MTUS2: variants seen among roughly 807,000 people sequenced by gnomAD.
The protein encoded by MTUS2 is microtubule associated scaffold protein 2, also known as microtubule-associated tumor suppressor candidate 2.
A neutral mutation model predicts 114.1 loss-of-function variants in MTUS2; 40 were observed. That is an observed-to-expected ratio of 0.35 (90% CI 0.27 to 0.46). MTUS2 has a LOEUF of 0.46. Ranked by LOEUF, MTUS2 falls within the 20% of genes least tolerant of loss-of-function variation. The pLI is 1.00. For synonymous variants in MTUS2, 688 were observed against 672.0 expected (o/e 1.02, Z -0.37); for missense variants, 1,679 against 1,705.4 (o/e 0.98, Z 0.27).
At chr13:29,093,660 T>A (rs1386451666) in intron 4 of MTUS2, among the ~76,000 whole-genome samples, 1 of 152,206 alleles carries the variant, frequency 6.6e-6, no homozygotes, top group Non-Finnish European at 1.5e-5. Flanking sequence ...TTTTAGTGGA[T>A]TTCTTGGGAT....
intron 1 of MTUS2, among the ~76,000 whole-genome samples, chr13:28,836,981 C>G (rs544686212): frequency 6.6e-6 from 1 of 152,294 alleles, no homozygotes; most frequent in Non-Finnish European, 1.5e-5. Context: ...CCTTAGTCTC[C>G]TATTCTGCAA....
At chr13:28,859,284 G>A (rs1356823196) in intron 2 of MTUS2, among the ~76,000 whole-genome samples, 4 of 152,176 alleles carry the variant, frequency 2.6e-5, no homozygotes, top group African/African-American at 9.7e-5. Flanking sequence ...GCTGCTTGTG[G>A]CATTGTCCCT....
chr13:29,186,302 T>G (rs1408151984), intron 5 of MTUS2, among the ~76,000 whole-genome samples: 1 of 152,184 alleles, frequency 6.6e-6, no homozygotes, highest in African/African-American at 2.4e-5. Context: ...GTAAATTAAT[T>G]AAACAGTCCA....
In MTUS2 at chr13:29,503,269, A is replaced by C. The variant is rs1207785612; in HGVS notation, c.*63A>C. On this transcript the variant is annotated 3_prime_UTR_variant, in exon 16 of 16. Coordinates refer to ENST00000612955, the MANE Select transcript of MTUS2 (RefSeq NM_001033602.4). ...CCTCCGGTCTCCACCCTGAGGGAGCACCGACCCGGTGCCGCCGGAGCTGGC... is the reference window on the plus strand; with the variant it reads ...CCTCCGGTCTCCACCCTGAGGGAGCCCCGACCCGGTGCCGCCGGAGCTGGC... 3 of 1,579,360 alleles carry C rather than the reference A, an allele frequency of 1.9e-6. No homozygotes were observed. Among genetic ancestry groups the C allele is most frequent in the Non-Finnish European group, 1.7e-6 (2 of 1,157,856 alleles).
intron 2 of MTUS2, among the ~76,000 whole-genome samples, chr13:28,916,861 G>A (rs1195165136): frequency 6.6e-6 from 1 of 151,638 alleles, no homozygotes. Context: ...TTAGAGAAAG[G>A]CTTTCAGTTT....
At chr13:28,964,236 G>A (rs1651569147) in intron 2 of MTUS2, among the ~76,000 whole-genome samples, 1 of 152,160 alleles carries the variant, frequency 6.6e-6, no homozygotes, top group African/African-American at 2.4e-5. Flanking sequence ...CAATACTGCT[G>A]ACTCTGCTGC....
At chr13:29,135,684 C>T (rs1367687441) in intron 5 of MTUS2, among the ~76,000 whole-genome samples, 2 of 151,832 alleles carry the variant, frequency 1.3e-5, no homozygotes, top group South Asian at 2.1e-4. Flanking sequence ...CTTCTCATTT[C>T]CTTTTGTGTA....
At chr13:29,229,243 A>G (rs931605894) in intron 5 of MTUS2, among the ~76,000 whole-genome samples, 2 of 152,092 alleles carry the variant, frequency 1.3e-5, no homozygotes, top group Non-Finnish European at 2.9e-5. Flanking sequence ...ACTGACTTTA[A>G]CTTTGTTTTG....
intron 5 of MTUS2, among the ~76,000 whole-genome samples, chr13:29,268,857 G>C (rs930614671): frequency 1.3e-5 from 2 of 152,080 alleles, no homozygotes; most frequent in Non-Finnish European, 2.9e-5. Context: ...AGCCTCCTGA[G>C]TAGCTGGGGC....
Position 29,439,966 on chromosome 13 carries a change from C to T in MTUS2, c.3118-17C>T, listed in dbSNP as rs754434513. 35 of 1,568,292 alleles carry T rather than the reference C, an allele frequency of 2.2e-5. No homozygotes were observed. In the Middle Eastern group the frequency reaches 5.0e-4, roughly 22 times the overall value. On this transcript the variant is annotated splice_polypyrimidine_tract_variant and intron_variant, in intron 8 of 15. Coordinates refer to ENST00000612955, the MANE Select transcript of MTUS2 (RefSeq NM_001033602.4). Reference sequence around the variant, plus strand: ...ATAAAACTAGGGGACTCTCGGTATCCGTTTTTGTTTTTTCAGAATGAAAGT... The same window carrying T: ...ATAAAACTAGGGGACTCTCGGTATCTGTTTTTGTTTTTTCAGAATGAAAGT...
intron 5 of MTUS2, among the ~76,000 whole-genome samples, chr13:29,120,354 T>C (rs1891257459): frequency 6.6e-6 from 1 of 152,090 alleles, no homozygotes; most frequent in South Asian, 2.1e-4. Flanking sequence ...TTCATTCTTG[T>C]TGTAATAGTA....
chr13:29,455,317 A>G (rs1879025915), intron 9 of MTUS2, among the ~76,000 whole-genome samples: 3 of 152,170 alleles, frequency 2.0e-5, no homozygotes, highest in African/African-American at 4.8e-5. Context: ...AGGTCTGAGC[A>G]CTGAGTGGAG....
At chr13:29,159,791 T>A (rs1448998050) in intron 5 of MTUS2, among the ~76,000 whole-genome samples, 1 of 152,218 alleles carries the variant, frequency 6.6e-6, no homozygotes, top group Non-Finnish European at 1.5e-5. Context: ...AACAATGTGA[T>A]GTCACTGTAT....
In MTUS2 at chr13:29,040,447, T is replaced by A. The variant is rs185520903; in HGVS notation, c.2446+6322T>A. 2.2e-3 allele frequency among the ~76,000 whole-genome samples: 336 copies of A among 152,310 alleles called. 1 individual carries two copies. Among genetic ancestry groups the A allele is most frequent in the African/African-American group, 7.8e-3 (323 of 41,574 alleles). On this transcript the variant is annotated intron_variant, in intron 4 of 15. Coordinates refer to ENST00000612955, the MANE Select transcript of MTUS2 (RefSeq NM_001033602.4). Reference sequence around the variant, plus strand: ...TAAACGTGTGTGCAAGTATCTTGTATAATGATTTCTTTTCCTCTGGGTAGA... The same window carrying A: ...TAAACGTGTGTGCAAGTATCTTGTAAAATGATTTCTTTTCCTCTGGGTAGA...
intron 2 of MTUS2, among the ~76,000 whole-genome samples, chr13:28,894,062 A>C (rs1879084175): frequency 6.6e-6 from 1 of 151,726 alleles, no homozygotes; most frequent in Non-Finnish European, 1.5e-5. Flanking sequence ...AGGCTATCCC[A>C]CGCTGTTTAA....
intron 12 of MTUS2, among the ~76,000 whole-genome samples, chr13:29,494,142 G>A (rs1201018746): frequency 6.6e-6 from 1 of 152,212 alleles, no homozygotes; most frequent in Non-Finnish European, 1.5e-5. Flanking sequence ...GATGATGACA[G>A]TATCTTTCTC....
intron 5 of MTUS2, among the ~76,000 whole-genome samples, chr13:29,154,897 G>A (rs1180317849): frequency 6.6e-6 from 1 of 152,180 alleles, no homozygotes; most frequent in African/African-American, 2.4e-5. Flanking sequence ...AAAAAAGAGA[G>A]TAAAGTAGCT....
At chr13:29,225,539 T>C (rs1157703290) in intron 5 of MTUS2, among the ~76,000 whole-genome samples, 2 of 152,186 alleles carry the variant, frequency 1.3e-5, no homozygotes, top group Non-Finnish European at 2.9e-5. Context: ...AGCTGAAAGA[T>C]TAATTTAAGA....
At position 28,969,021 on chromosome 13, in the gene MTUS2, G is replaced by A. The variant is rs144848424; in HGVS notation, c.-242-55436G>A. ...TTTTAAATAAAGTTGTTTTTATAAA[G>A]CTGCAATTTTTTGTATAATTTTGTT... On this transcript the variant is annotated intron_variant, in intron 2 of 15. Coordinates refer to ENST00000612955, the MANE Select transcript of MTUS2 (RefSeq NM_001033602.4). 8.4e-3 allele frequency among the ~76,000 whole-genome samples: 1,280 copies of A among 152,182 alleles called. 20 individuals are homozygous for A. The highest frequency in any genetic ancestry group is 0.03 in the African/African-American group (1,234 of 41,512).
Sources: allele counts gnomAD v4.1 joint callset (sites outside exome capture counted in the v4.1 genomes callset), GRCh38; gene constraint gnomAD v4.1.1; transcripts MANE v1.5; gene names NCBI Gene and HGNC (gene_info 2026-07-23, HGNC 2026-07-21).